SF3A3: variants seen among roughly 807,000 people sequenced by gnomAD.
SF3A3 encodes the protein splicing factor 3a subunit 3, also known as SAP 61.
SF3A3 carries 9 observed loss-of-function variants against 85.8 expected under a neutral mutation model. The observed-to-expected ratio is 0.10, with a 90% CI of 0.06 to 0.18. The LOEUF is 0.18. Ranked by LOEUF, SF3A3 falls within the 10% of genes least tolerant of loss-of-function variation. The pLI is 1.00. For synonymous variants in SF3A3, 195 were observed against 204.4 expected (o/e 0.95, Z 0.39); for missense variants, 306 against 593.3 (o/e 0.52, Z 5.03).
chr1:37,968,677 G>C (rs1646319087), intron 14 of SF3A3, among the ~76,000 whole-genome samples: 1 of 152,154 alleles, frequency 6.6e-6, no homozygotes, highest in African/African-American at 2.4e-5. Context: ...CATTGTAGGA[G>C]GTGCTGAGAA....
At chr1:37,989,763 C>A in intron 1 of SF3A3, 107 bp downstream of exon 1, 2 of 1,223,618 alleles carry the variant, frequency 1.6e-6, no homozygotes, top group South Asian at 1.3e-5. Flanking sequence ...GGAGAGGGAG[C>A]CCGGAGGAAG....
At chr1:37,983,161 C>T (rs996190780) in intron 6 of SF3A3, among the ~76,000 whole-genome samples, 4 of 149,702 alleles carry the variant, frequency 2.7e-5, no homozygotes, top group African/African-American at 9.9e-5. Context: ...TGGTCTTGAA[C>T]TCCTGACCCC....
intron 16 of SF3A3, among the ~76,000 whole-genome samples, chr1:37,959,623 G>C (rs546683604): frequency 6.6e-6 from 1 of 152,082 alleles, no homozygotes; most frequent in East Asian, 1.9e-4. Context: ...CTGTCACCCA[G>C]GCTGGAGTGC....
intron 12 of SF3A3, 112 bp from the exon 13 acceptor site, chr1:37,969,847 T>C (rs907987039): frequency 2.2e-5 from 26 of 1,176,418 alleles, no homozygotes; most frequent in Non-Finnish European, 3.0e-5. Flanking sequence ...GATAAGGTTC[T>C]TTCTTACAGA....
At chr1:37,978,101 G>A (rs912944933) in intron 11 of SF3A3, among the ~76,000 whole-genome samples, 2 of 152,056 alleles carry the variant, frequency 1.3e-5, no homozygotes, top group Non-Finnish European at 1.5e-5. Flanking sequence ...ACTTTGGGAG[G>A]CCAAGGCAGG....
At chr1:37,979,634 T>A (rs758195333) in intron 8 of SF3A3, 101 bp from the exon 9 acceptor site, 1 of 760,554 alleles carries the variant, frequency 1.3e-6, no homozygotes, top group African/African-American at 1.7e-5. Flanking sequence ...GATAGGTGAA[T>A]TGCTTGAGTT....
chr1:37,973,379 A>T (rs1160428445), intron 12 of SF3A3, among the ~76,000 whole-genome samples: 1 of 152,230 alleles, frequency 6.6e-6, no homozygotes, highest in Admixed American at 6.5e-5. Context: ...GCTTCTGCAC[A>T]GCAAAAGAAA....
chr1:37,974,195 C>G (rs779300689), intron 12 of SF3A3, among the ~76,000 whole-genome samples: 1 of 151,334 alleles, frequency 6.6e-6, no homozygotes, highest in African/African-American at 2.4e-5. Context: ...CAAACCTACA[C>G]GTTGTGCACA....
At chr1:37,975,509 C>T (rs1646373056) in intron 12 of SF3A3, among the ~76,000 whole-genome samples, 1 of 122,810 alleles carries the variant, frequency 8.1e-6, no homozygotes, top group Admixed American at 8.8e-5. Context: ...GAGTGAGATA[C>T]TATTTCAAAA....
chr1:37,968,613 T>C (rs1646318646), intron 14 of SF3A3, among the ~76,000 whole-genome samples: 1 of 152,166 alleles, frequency 6.6e-6, no homozygotes, highest in South Asian at 2.1e-4. Context: ...TGATGGCAGT[T>C]TTAACTAAGG....
chr1:37,987,697 T>G lies in SF3A3; in HGVS notation c.198-19A>C. 5.0e-6 allele frequency: 8 copies of G among 1,611,960 alleles called. No individual in the cohort carries two copies. Among genetic ancestry groups the G allele is most frequent in the Non-Finnish European group, 6.8e-6 (8 of 1,178,066 alleles). On this transcript the variant is annotated intron_variant, in intron 3 of 16. Transcript: ENST00000373019. Reference sequence around the variant, plus strand: ...TCGTAATCTGCAATTTCAGGAAAATTTCAAAGAAGATAGAGCACAAAGTCA... The same window carrying G: ...TCGTAATCTGCAATTTCAGGAAAATGTCAAAGAAGATAGAGCACAAAGTCA...
At chr1:37,961,780 A>AAAAAAAAAAAG (rs1553164720) in intron 15 of SF3A3, among the ~76,000 whole-genome samples, 3 of 141,852 alleles carry the variant, frequency 2.1e-5, no homozygotes, top group African/African-American at 8.5e-5. Context: ...AAAAAAAAAA[A>AAAAAAAAAAAG]AAAGAAAGAA....
chr1:37,964,408 C>T (rs939625954), intron 15 of SF3A3, among the ~76,000 whole-genome samples: 1 of 152,020 alleles, frequency 6.6e-6, no homozygotes, highest in Non-Finnish European at 1.5e-5. Flanking sequence ...AATTTGAGAC[C>T]AGCCTGGCCA....
In SF3A3 at chr1:37,978,830, A is replaced by G. The variant is rs113238786; in HGVS notation, c.828-3T>C. The G allele has an allele frequency of 6.4e-7, 1 of 1,574,324 alleles. No individual in the cohort carries two copies. The highest frequency in any genetic ancestry group is 8.6e-7 in the Non-Finnish European group (1 of 1,157,266). On this transcript the variant is annotated splice_region_variant and splice_polypyrimidine_tract_variant and intron_variant, in intron 10 of 16. Coordinates refer to ENST00000373019, the MANE Select transcript of SF3A3 (RefSeq NM_006802.4). ...TCTGGGCTCGCTCTTCTAGGGTCCT[A>G]AGGAGACAGGACGGCAAAGGATTTT... is the stretch of plus-strand genomic sequence containing the variant.
chr1:37,983,849 G>A (rs545659434), intron 6 of SF3A3, among the ~76,000 whole-genome samples: 5 of 151,534 alleles, frequency 3.3e-5, no homozygotes, highest in African/African-American at 9.7e-5. Context: ...TAAGGCAGGA[G>A]ATCACTTGAG....
chr1:37,965,310 A>AAAAG, intron 15 of SF3A3, among the ~76,000 whole-genome samples: 1 of 144,292 alleles, frequency 6.9e-6, no homozygotes, highest in South Asian at 2.2e-4. Flanking sequence ...CACAAAAAAA[A>AAAAG]AAAAAAAAAG....
intron 6 of SF3A3, among the ~76,000 whole-genome samples, chr1:37,982,272 C>T (rs1282545632): frequency 6.6e-6 from 1 of 152,150 alleles, no homozygotes; most frequent in Admixed American, 6.5e-5. Flanking sequence ...GTCACTACAA[C>T]TCTGGGACAT....
Position 37,980,841 on chromosome 1 carries a change from C to CTTT in SF3A3, c.552-120_552-118dup, listed in dbSNP as rs760972269. ...CTAGTAATGCTATCTTTTTAATACT[C>CTTT]TTTTTTTTTTTTTTTTTTTTTTTTT... On this transcript the variant is annotated intron_variant, in intron 7 of 16. Coordinates refer to ENST00000373019, the MANE Select transcript of SF3A3 (RefSeq NM_006802.4). 283 of 95,410 alleles carry CTTT rather than the reference C, an allele frequency of 3.0e-3. 1 individual carries two copies. The highest frequency in any genetic ancestry group is 8.7e-3 in the African/African-American group (119 of 13,618). 5.9% of individuals were successfully genotyped at this position (95,410 alleles called of 1,614,324 possible).
intron 15 of SF3A3, 164 bp from the exon 16 acceptor site, chr1:37,960,339 C>A: frequency 3.5e-6 from 2 of 574,230 alleles, no homozygotes; most frequent in Non-Finnish European, 6.3e-6. Context: ...CACCTATAGA[C>A]AAAACCCTTT....
Sources: allele counts gnomAD v4.1 joint callset (sites outside exome capture counted in the v4.1 genomes callset), GRCh38; gene constraint gnomAD v4.1.1; transcripts MANE v1.5; gene names NCBI Gene and HGNC (gene_info 2026-07-23, HGNC 2026-07-21).